The following LEPR variants were observed in gnomAD, a reference collection of about 807,000 sequenced individuals.
The protein encoded by LEPR is OB receptor.
Under a neutral mutation model 114.7 loss-of-function variants are expected in LEPR, and 56 were observed. The observed-to-expected ratio is 0.49, with a 90% CI of 0.39 to 0.61. LEPR has a LOEUF of 0.61. Among genes scored for constraint, LEPR ranks in the 20% least tolerant of loss-of-function variants. The pLI, the probability that LEPR is intolerant of heterozygous loss-of-function variation, is 0.00. For missense variants in LEPR, 1,202 were observed against 1,352.9 expected, an observed-to-expected ratio of 0.89 and a Z score of 1.75; for synonymous variants, 443 against 461.4, an observed-to-expected ratio of 0.96 and a Z score of 0.51.
Position 65,637,080 on chromosome 1 carries a change from TGTGG to T in LEPR, c.*71_*74del. ...AATATAAAGTGTAATAGATTATAGT[TGTGG>T]GTGGGAGAGAGAAAAGAAACCAGAG... On this transcript the variant is annotated 3_prime_UTR_variant, in exon 20 of 20. Coordinates refer to ENST00000349533, the MANE Select transcript of LEPR (RefSeq NM_002303.6). The T allele has an allele frequency of 7.7e-7, 1 of 1,292,754 alleles. No individual in the cohort carries two copies. Among genetic ancestry groups the T allele is most frequent in the Non-Finnish European group, 1.1e-6 (1 of 949,860 alleles). 80.1% of individuals were successfully genotyped at this position (1,292,754 alleles called of 1,614,324 possible).
intron 2 of LEPR, among the ~76,000 whole-genome samples, chr1:65,428,656 G>A (rs1469884513): frequency 6.6e-6 from 1 of 152,072 alleles, no homozygotes; most frequent in African/African-American, 2.4e-5. Flanking sequence ...GGTGCTGTCT[G>A]GGCGTATCTG....
Position 65,570,813 on chromosome 1 carries a change from G to A in LEPR, c.370+11G>A. The A allele has an allele frequency of 4.6e-6, 7 of 1,538,000 alleles. No homozygotes were observed. Among genetic ancestry groups the A allele is most frequent in the Non-Finnish European group, 6.1e-6 (7 of 1,144,788 alleles). On this transcript the variant is annotated intron_variant, in intron 4 of 19. Coordinates refer to ENST00000349533, the MANE Select transcript of LEPR (RefSeq NM_002303.6). ...TTTTTCAACAAATAGGTAAGCATTA[G>A]CTATGTTTTAAATGTATTGAACAAT...
chr1:65,570,868 A>T, intron 4 of LEPR, 66 bp downstream of exon 4: 10 of 1,328,322 alleles, frequency 7.5e-6, no homozygotes, highest in Non-Finnish European at 9.0e-6. Flanking sequence ...CCTGTATGAA[A>T]TAGATGTCTT....
At position 65,600,738 on chromosome 1, in the gene LEPR, C is replaced by T. The variant is rs117751768; in HGVS notation, c.995-654C>T. 1.2e-4 allele frequency among the ~76,000 whole-genome samples: 18 copies of T among 152,104 alleles called. No homozygotes were observed. In the East Asian group the frequency reaches 2.5e-3, roughly 21 times the overall value. On this transcript the variant is annotated intron_variant, in intron 8 of 19. Coordinates refer to ENST00000349533, the MANE Select transcript of LEPR (RefSeq NM_002303.6). ...AATCATGTGTAGGCATTAAAAAAATCATGTTTTAGGAAAATATCGCTTCCC... is the reference window on the plus strand; with the variant it reads ...AATCATGTGTAGGCATTAAAAAAATTATGTTTTAGGAAAATATCGCTTCCC...
chr1:65,467,341 G>T (rs1196329482), intron 2 of LEPR, among the ~76,000 whole-genome samples: 2 of 152,272 alleles, frequency 1.3e-5, no homozygotes, highest in Non-Finnish European at 1.5e-5. Flanking sequence ...GACCCTGTTT[G>T]CCTGGGTATC....
At chr1:65,472,443 C>CACACACACA (rs1253641767) in intron 2 of LEPR, among the ~76,000 whole-genome samples, 2 of 136,152 alleles carry the variant, frequency 1.5e-5, no homozygotes, top group Non-Finnish European at 3.1e-5. Flanking sequence ...CACACACACA[C>CACACACACA]ACGTGTGTAT....
At chr1:65,506,947 C>T (rs1311680251) in intron 2 of LEPR, among the ~76,000 whole-genome samples, 1 of 152,202 alleles carries the variant, frequency 6.6e-6, no homozygotes, top group Non-Finnish European at 1.5e-5. Flanking sequence ...TCCACACTCT[C>T]ACCCACTGCC....
At chr1:65,445,440 C>T (rs545043843) in intron 2 of LEPR, among the ~76,000 whole-genome samples, 2 of 152,272 alleles carry the variant, frequency 1.3e-5, no homozygotes, top group African/African-American at 2.4e-5. Context: ...TTCTGTCCTT[C>T]GAACCCCAAA....
chr1:65,552,603 A>C (rs1368667859), intron 2 of LEPR, among the ~76,000 whole-genome samples: 1 of 151,780 alleles, frequency 6.6e-6, no homozygotes, highest in Non-Finnish European at 1.5e-5. Context: ...TATGTGTCTC[A>C]CATGCAAAGG....
intron 17 of LEPR, among the ~76,000 whole-genome samples, chr1:65,620,340 A>G (rs1412416056): frequency 6.6e-6 from 1 of 152,202 alleles, no homozygotes; most frequent in Non-Finnish European, 1.5e-5. Flanking sequence ...ATTTCAAGAG[A>G]TAAACATTTC....
chr1:65,520,015 C>T (rs1557637163), intron 2 of LEPR, among the ~76,000 whole-genome samples: 1 of 152,028 alleles, frequency 6.6e-6, no homozygotes, highest in Non-Finnish European at 1.5e-5. Flanking sequence ...AGGGGCCTGC[C>T]ACCACGCCCG....
At chr1:65,427,747 G>C (rs1646407810) in intron 2 of LEPR, 1 of 392,248 alleles carries the variant, frequency 2.5e-6, no homozygotes, top group Admixed American at 2.9e-5. Flanking sequence ...AAATAAGTTT[G>C]TTTTCTATCT....
intron 2 of LEPR, among the ~76,000 whole-genome samples, chr1:65,472,669 G>A (rs958270146): frequency 3.3e-5 from 5 of 149,346 alleles, no homozygotes; most frequent in African/African-American, 1.3e-4. Flanking sequence ...TTTTAAAAGA[G>A]TGTAATTGAT....
At chr1:65,458,570 T>C (rs1424184321) in intron 2 of LEPR, among the ~76,000 whole-genome samples, 3 of 152,120 alleles carry the variant, frequency 2.0e-5, no homozygotes, top group Non-Finnish European at 4.4e-5. Flanking sequence ...GGTAAGGGGT[T>C]TTTGTTTTGT....
chr1:65,593,906 G>A (rs1202541065), intron 6 of LEPR, among the ~76,000 whole-genome samples: 1 of 152,024 alleles, frequency 6.6e-6, no homozygotes, highest in Non-Finnish European at 1.5e-5. Context: ...TGATTTTTTA[G>A]TAGCATTTAG....
At position 65,636,480 on chromosome 1, in the gene LEPR, C is replaced by T. The variant is rs202055592; in HGVS notation, c.2963C>T (p.Thr988Met). ...SQRQPFVKYA[T>M]LISNSKPSET... The stretch of plus-strand genomic sequence containing the variant: ...AGACAACCCTTTGTTAAATACGCCA[C>T]GCTGATCAGCAACTCTAAACCAAGT... The change falls in exon 20 of 20, where the codon ACG becomes ATG. Residue 988 changes from threonine (T) to methionine (M), a missense_variant. Physicochemically the swap from Thr to Met is moderately conservative, Grantham distance 81. Coordinates refer to ENST00000349533, the MANE Select transcript of LEPR (RefSeq NM_002303.6). 4.2e-5 allele frequency: 67 copies of T among 1,614,048 alleles called. No homozygotes were observed. Among genetic ancestry groups the T allele is most frequent in the Admixed American group, 1.0e-4 (6 of 59,980 alleles).
At chr1:65,469,921 C>G (rs747334954) in intron 2 of LEPR, among the ~76,000 whole-genome samples, 4 of 152,214 alleles carry the variant, frequency 2.6e-5, no homozygotes, top group African/African-American at 7.2e-5. Flanking sequence ...CTGACCTGTG[C>G]GCACAGCACA....
At chr1:65,495,537 C>G (rs1327304776) in intron 2 of LEPR, among the ~76,000 whole-genome samples, 1 of 152,146 alleles carries the variant, frequency 6.6e-6, no homozygotes, top group Non-Finnish European at 1.5e-5. Flanking sequence ...ATCCAGCAAT[C>G]TCACTACTGG....
intron 14 of LEPR, 64 bp from the exon 15 acceptor site, chr1:65,615,944 T>G: frequency 9.4e-6 from 15 of 1,598,684 alleles, no homozygotes; most frequent in Non-Finnish European, 1.1e-5. Context: ...GAGAGTTATG[T>G]GAGCTCAGTT....
Sources: gnomAD v4.1 joint callset for allele counts (sites outside exome capture counted in the v4.1 genomes callset) on GRCh38, gnomAD v4.1.1 for gene constraint, MANE v1.5 for transcripts, NCBI Gene and HGNC (gene_info 2026-07-23, HGNC 2026-07-21) for gene names.